Variants in WWOX observed in about 807,000 individuals in gnomAD.
WWOX encodes the protein WW domain-containing oxidoreductase.
A neutral mutation model predicts 46.2 loss-of-function variants in WWOX; 69 were observed. That is an observed-to-expected ratio of 1.49 (90% CI 1.23 to 1.82). The LOEUF is 1.82. Ranked by LOEUF, WWOX falls within the 40% of genes most tolerant of loss-of-function variation. The pLI is 0.00. For missense variants in WWOX, 919 were observed against 542.6 expected, an observed-to-expected ratio of 1.69 and a Z score of -6.89; for synonymous variants, 359 against 202.6, an observed-to-expected ratio of 1.77 and a Z score of -6.56.
intron 8 of WWOX, among the ~76,000 whole-genome samples, chr16:78,966,452 G>C (rs1326064863): frequency 6.6e-6 from 1 of 151,714 alleles, no homozygotes; most frequent in African/African-American, 2.4e-5. Flanking sequence ...AATATTATAG[G>C]CTTTTCATGT....
At chr16:78,924,468 TA>T (rs1340700653) in intron 8 of WWOX, among the ~76,000 whole-genome samples, 12 of 152,208 alleles carry the variant, frequency 7.9e-5, no homozygotes, top group African/African-American at 2.9e-4. Context: ...ATATCTCACT[TA>T]AAACTTGTCT....
intron 5 of WWOX, among the ~76,000 whole-genome samples, chr16:78,359,724 C>A (rs1174113376): frequency 6.6e-6 from 1 of 152,174 alleles, no homozygotes; most frequent in East Asian, 1.9e-4. Context: ...TTTTACGAGA[C>A]AACGTGATGT....
rs543200067 is a variant in WWOX at position 78,520,743 on chromosome 16, G to A, written c.1056+87991G>A. Among the ~76,000 whole-genome samples, 242 of 152,190 alleles carry A rather than the reference G, an allele frequency of 1.6e-3. 1 individual carries two copies. Among genetic ancestry groups the A allele is most frequent in the Non-Finnish European group, 3.1e-3 (209 of 68,006 alleles). On this transcript the variant is annotated intron_variant, in intron 8 of 8. Transcript: ENST00000566780. ...TGGCCACCCCTGTACCACGGCCAAT[G>A]ATTCACCCTCCCTAAATCCCAGGGC... is the stretch of plus-strand genomic sequence containing the variant.
At position 78,424,977 on chromosome 16, in the gene WWOX, A is replaced by G. The variant is rs142806268; in HGVS notation, c.713A>G (p.Tyr238Cys). ...TFQVNHLGHF[Y>C]LVQLLQDVLC... ...CAAGTGAATCATCTGGGGCACTTCT[A>G]CCTTGTCCAGCTCCTCCAGGATGTT... Residue 238 changes from tyrosine to cysteine, a missense_variant, in exon 7 of 9, where the codon TAC becomes TGC. Transcript: ENST00000566780. 6.1e-5 allele frequency: 99 copies of G among 1,614,056 alleles called. No individual in the cohort carries two copies. In the African/African-American group the frequency reaches 1.0e-3, roughly 17 times the overall value.
intron 8 of WWOX, among the ~76,000 whole-genome samples, chr16:79,152,360 G>C (rs1047409727): frequency 3.3e-5 from 5 of 152,120 alleles, no homozygotes; most frequent in African/African-American, 1.2e-4. Context: ...CCAAGGGGAA[G>C]ACAGTTAAGC....
At chr16:78,939,131 G>T in intron 8 of WWOX, among the ~76,000 whole-genome samples, 1 of 152,286 alleles carries the variant, frequency 6.6e-6, no homozygotes, top group African/African-American at 2.4e-5. Flanking sequence ...CCATTGACTT[G>T]GGCTCGAAGT....
chr16:78,673,729 G>C (rs892343902), intron 8 of WWOX, among the ~76,000 whole-genome samples: 1 of 152,160 alleles, frequency 6.6e-6, no homozygotes, highest in Non-Finnish European at 1.5e-5. Context: ...ATGTAAATCA[G>C]TTATTACTGT....
At chr16:78,867,336 C>T (rs1326481433) in intron 8 of WWOX, among the ~76,000 whole-genome samples, 2 of 152,088 alleles carry the variant, frequency 1.3e-5, no homozygotes, top group African/African-American at 2.4e-5. Context: ...ACATATTTAT[C>T]AATATACTTT....
intron 8 of WWOX, among the ~76,000 whole-genome samples, chr16:79,012,747 C>T (rs540655214): frequency 2.0e-5 from 3 of 152,278 alleles, no homozygotes; most frequent in South Asian, 2.1e-4. Context: ...TTTTCCTCCC[C>T]TGGTGGCCAG....
chr16:78,297,027 G>C (rs1458097182), intron 5 of WWOX, among the ~76,000 whole-genome samples: 2 of 152,054 alleles, frequency 1.3e-5, no homozygotes, highest in Non-Finnish European at 2.9e-5. Flanking sequence ...GGCTGAATTG[G>C]TAAAATTATC....
intron 5 of WWOX, among the ~76,000 whole-genome samples, chr16:78,213,177 G>A (rs748922755): frequency 1.5e-4 from 23 of 151,082 alleles, no homozygotes; most frequent in Non-Finnish European, 2.9e-4. Context: ...CTTGAACCGT[G>A]GAGGCAGAGG....
chr16:78,704,667 A>T (rs2048294356), intron 8 of WWOX, among the ~76,000 whole-genome samples: 1 of 152,196 alleles, frequency 6.6e-6, no homozygotes, highest in African/African-American at 2.4e-5. Flanking sequence ...TTTACTGTGA[A>T]AATGATTATG....
At chr16:78,950,217 T>A (rs2046030919) in intron 8 of WWOX, among the ~76,000 whole-genome samples, 1 of 152,190 alleles carries the variant, frequency 6.6e-6, no homozygotes, top group Non-Finnish European at 1.5e-5. Context: ...CAATATTCCC[T>A]CCTAATCTTT....
chr16:78,281,992 C>T (rs576713063), intron 5 of WWOX, among the ~76,000 whole-genome samples: 180 of 152,270 alleles, frequency 1.2e-3, no homozygotes, highest in Middle Eastern at 0.01. Flanking sequence ...TTGGCTTGTT[C>T]CCCCAGTGAC....
Position 78,983,870 on chromosome 16 carries a change from CTTTTTTTTTTTTT to C in WWOX, c.1057-227727_1057-227715del, listed in dbSNP as rs760130115. Among the ~76,000 whole-genome samples, 16 of 79,864 alleles carry C rather than the reference CTTTTTTTTTTTTT, an allele frequency of 2.0e-4. No homozygotes were observed. The South Asian group carries it at 7.9e-3, about 39-fold the overall frequency. The allele number at this position is 79,864 out of a possible 152,430, so 52.4% of individuals were successfully genotyped here. ...CAGTCCATCTGTTATGAGAGCTATT[CTTTTTTTTTTTTT>C]TTTTTTTTTTGTGAGATGGAGTCTT... is the stretch of plus-strand genomic sequence containing the variant. On this transcript the variant is annotated intron_variant, in intron 8 of 8. Coordinates refer to ENST00000566780, the MANE Select transcript of WWOX (RefSeq NM_016373.4).
intron 8 of WWOX, among the ~76,000 whole-genome samples, chr16:78,574,825 G>C (rs2044808712): frequency 6.7e-6 from 1 of 149,866 alleles, no homozygotes; most frequent in Admixed American, 6.8e-5. Flanking sequence ...GGGAGGTGTT[G>C]ATCTAAGGGT....
At chr16:78,866,469 G>A (rs1004241641) in intron 8 of WWOX, among the ~76,000 whole-genome samples, 14 of 152,090 alleles carry the variant, frequency 9.2e-5, no homozygotes, top group Admixed American at 8.5e-4. Context: ...AGCTGTGTGG[G>A]TACCTCTTGT....
intron 7 of WWOX, among the ~76,000 whole-genome samples, chr16:78,426,538 T>C (rs2083081886): frequency 6.6e-6 from 1 of 152,176 alleles, no homozygotes; most frequent in Admixed American, 6.5e-5. Flanking sequence ...GGACTTGGGC[T>C]CTTGAATTAG....
At chr16:78,119,319 G>A (rs141863079) in intron 4 of WWOX, among the ~76,000 whole-genome samples, 5 of 152,292 alleles carry the variant, frequency 3.3e-5, no homozygotes, top group East Asian at 1.9e-4. Context: ...AGGGAATTTC[G>A]CATTGAGGAA....
Sources: gnomAD v4.1 joint callset for allele counts (sites outside exome capture counted in the v4.1 genomes callset) on GRCh38, gnomAD v4.1.1 for gene constraint, MANE v1.5 for transcripts, NCBI Gene and HGNC (gene_info 2026-07-23, HGNC 2026-07-21) for gene names.